Variants in CNTNAP5 observed in about 807,000 individuals in gnomAD.
The protein encoded by CNTNAP5 is contactin-associated protein-like 5.
CNTNAP5 carries 72 observed loss-of-function variants against 150.2 expected under a neutral mutation model. The observed-to-expected ratio is 0.48, with a 90% confidence interval of 0.40 to 0.58. CNTNAP5 has a LOEUF of 0.58. Among genes scored for constraint, CNTNAP5 ranks in the 20% least tolerant of loss-of-function variants. CNTNAP5 has a pLI of 0.00. For missense variants in CNTNAP5, 1,636 were observed against 1,626.2 expected, an observed-to-expected ratio of 1.01 and a Z score of -0.10; for synonymous variants, 672 against 619.8, an observed-to-expected ratio of 1.08 and a Z score of -1.25.
chr2:124,514,426 A>G (rs191305849), intron 8 of CNTNAP5, among the ~76,000 whole-genome samples: 23 of 152,270 alleles, frequency 1.5e-4, no homozygotes, highest in Non-Finnish European at 2.2e-4. Context: ...CAAACCTGCT[A>G]TCACTTCCCT....
chr2:124,060,684 A>T (rs2104653003), intron 1 of CNTNAP5, among the ~76,000 whole-genome samples: 1 of 152,340 alleles, frequency 6.6e-6, no homozygotes, highest in East Asian at 1.9e-4. Context: ...CATTATTAGC[A>T]GAACAAGCAT....
intron 16 of CNTNAP5, among the ~76,000 whole-genome samples, chr2:124,767,122 T>C (rs10166480): frequency 0.65 from 98,648 of 152,074 alleles, 32,739 homozygotes; most frequent in East Asian, 0.96. Context: ...GAAACCTCTA[T>C]AGACCAGGCA....
chr2:124,648,594 T>C (rs997875673), intron 13 of CNTNAP5, among the ~76,000 whole-genome samples: 1 of 152,200 alleles, frequency 6.6e-6, no homozygotes, highest in Non-Finnish European at 1.5e-5. Flanking sequence ...GGTTATTTTT[T>C]ACAGTAAATG....
At chr2:124,655,589 A>G (rs1243958357) in intron 13 of CNTNAP5, among the ~76,000 whole-genome samples, 2 of 151,798 alleles carry the variant, frequency 1.3e-5, no homozygotes, top group Non-Finnish European at 2.9e-5. Flanking sequence ...TACTTTATGT[A>G]CAACAAGAAT....
chr2:124,486,574 A>C (rs1305879865), intron 7 of CNTNAP5, among the ~76,000 whole-genome samples: 1 of 152,238 alleles, frequency 6.6e-6, no homozygotes, highest in Non-Finnish European at 1.5e-5. Flanking sequence ...ATTTGGGTTA[A>C]AAACTAGAGA....
chr2:124,916,261 G>T lies in CNTNAP5; in HGVS notation c.*1973G>T, dbSNP rs762833651. ...TTTATTTTAAAGTGATTTTAACCAT[G>T]ATATCATTTCTCTCCTTTTAGTTTT... is the stretch of plus-strand genomic sequence containing the variant. On this transcript the variant is annotated 3_prime_UTR_variant, in exon 24 of 24. Transcript: ENST00000682447. Among the ~76,000 whole-genome samples, 4 of 152,040 alleles carry T rather than the reference G, an allele frequency of 2.6e-5. No homozygotes were observed. Among genetic ancestry groups the T allele is most frequent in the Admixed American group, 6.6e-5 (1 of 15,238 alleles).
chr2:124,814,271 C>G (rs947307780), intron 19 of CNTNAP5, among the ~76,000 whole-genome samples: 1 of 151,378 alleles, frequency 6.6e-6, no homozygotes, highest in African/African-American at 2.4e-5. Flanking sequence ...CCTCCATTCC[C>G]TCCTTGCTGG....
chr2:124,860,453 T>C (rs1192604054), intron 19 of CNTNAP5, among the ~76,000 whole-genome samples: 10 of 10,282 alleles, frequency 9.7e-4, no homozygotes, highest in African/African-American at 2.3e-3. Flanking sequence ...CCTTCCTTCT[T>C]TCCTTCCTTC....
chr2:124,078,645 G>C (rs1682491861), intron 1 of CNTNAP5, among the ~76,000 whole-genome samples: 2 of 152,210 alleles, frequency 1.3e-5, no homozygotes, highest in African/African-American at 2.4e-5. Flanking sequence ...ATCCACTAGA[G>C]ATAGAATATA....
chr2:124,748,138 G>T (rs1680649004), intron 14 of CNTNAP5, among the ~76,000 whole-genome samples: 1 of 151,922 alleles, frequency 6.6e-6, no homozygotes, highest in South Asian at 2.1e-4. Flanking sequence ...CTTCCCTTTT[G>T]CTACCAATAA....
intron 19 of CNTNAP5, among the ~76,000 whole-genome samples, chr2:124,804,008 G>T (rs1302557842): frequency 6.6e-6 from 1 of 152,188 alleles, no homozygotes; most frequent in African/African-American, 2.4e-5. Flanking sequence ...GCATAACTAA[G>T]CCCTGACCAC....
intron 7 of CNTNAP5, among the ~76,000 whole-genome samples, chr2:124,483,232 G>A (rs1359971075): frequency 6.6e-6 from 1 of 152,156 alleles, no homozygotes; most frequent in Non-Finnish European, 1.5e-5. Context: ...GAGCCCCCAG[G>A]CTATGCTAAC....
At chr2:124,232,976 A>T (rs990552346) in intron 2 of CNTNAP5, among the ~76,000 whole-genome samples, 1 of 151,542 alleles carries the variant, frequency 6.6e-6, no homozygotes, top group Non-Finnish European at 1.5e-5. Flanking sequence ...TGGTTACAAG[A>T]TCCTTTACCC....
At chr2:124,184,565 T>C (rs1685285216) in intron 1 of CNTNAP5, among the ~76,000 whole-genome samples, 1 of 152,202 alleles carries the variant, frequency 6.6e-6, no homozygotes, top group African/African-American at 2.4e-5. Flanking sequence ...CTTACTCTGA[T>C]AGCAGTGTGG....
chr2:124,508,834 A>G (rs1694476961), intron 8 of CNTNAP5, among the ~76,000 whole-genome samples: 1 of 152,382 alleles, frequency 6.6e-6, no homozygotes, highest in Middle Eastern at 3.4e-3. Context: ...GGGAGGAGGA[A>G]GAACTAACAA....
At chr2:124,521,179 G>C (rs1377490900) in intron 8 of CNTNAP5, among the ~76,000 whole-genome samples, 2 of 152,098 alleles carry the variant, frequency 1.3e-5, no homozygotes, top group Non-Finnish European at 2.9e-5. Flanking sequence ...CCAAGTCCTG[G>C]GATAATCCCC....
chr2:124,297,512 T>A (rs1688464133), intron 3 of CNTNAP5, among the ~76,000 whole-genome samples: 1 of 152,182 alleles, frequency 6.6e-6, no homozygotes, highest in African/African-American at 2.4e-5. Flanking sequence ...AGCACCGTTT[T>A]TTCCAATCAA....
chr2:124,474,461 C>T (rs1693593165), intron 6 of CNTNAP5, among the ~76,000 whole-genome samples: 1 of 151,860 alleles, frequency 6.6e-6, no homozygotes, highest in Non-Finnish European at 1.5e-5. Context: ...CTTTTTCCCT[C>T]CTTCTGTAAA....
chr2:124,314,601 T>G (rs998757987), intron 3 of CNTNAP5, among the ~76,000 whole-genome samples: 6 of 152,210 alleles, frequency 3.9e-5, no homozygotes, highest in Non-Finnish European at 7.3e-5. Flanking sequence ...TTAATAATAT[T>G]TATGAGTTTG....
Sources: allele counts gnomAD v4.1 joint callset (sites outside exome capture counted in the v4.1 genomes callset), GRCh38; gene constraint gnomAD v4.1.1; transcripts MANE v1.5; gene names NCBI Gene and HGNC (gene_info 2026-07-23, HGNC 2026-07-21).